SHISA9: variants seen among roughly 807,000 people sequenced by gnomAD.
SHISA9 encodes protein shisa-9.
SHISA9 carries 13 observed loss-of-function variants against 38.0 expected under a neutral mutation model. The ratio of observed to expected loss-of-function variants is 0.34; its 90% CI spans 0.22 to 0.54. The LOEUF is 0.54. Among genes scored for constraint, SHISA9 ranks in the 20% least tolerant of loss-of-function variants. The pLI is 0.91. For synonymous variants in SHISA9, 275 were observed against 242.0 expected (o/e 1.14, Z -1.27); for missense variants, 538 against 575.8 (o/e 0.93, Z 0.67).
chr16:13,533,197 C>T, the SHISA9 span, among the ~76,000 whole-genome samples: 3 of 152,176 alleles, frequency 2.0e-5, no homozygotes, highest in Non-Finnish European at 4.4e-5. Context: ...ACTTTCTTCC[C>T]CACACAGTTT....
chr16:13,013,733 C>CTT, intron 2 of SHISA9, among the ~76,000 whole-genome samples: 1 of 147,390 alleles, frequency 6.8e-6, no homozygotes, highest in African/African-American at 2.5e-5. Flanking sequence ...AAAATAATAC[C>CTT]TTTTTTTTTT....
At position 13,124,857 on chromosome 16, in the gene SHISA9, A is replaced by G. The variant is rs143054586; in HGVS notation, c.692-78537A>G. The stretch of plus-strand genomic sequence containing the variant: ...CATTTTTGACAACAGTGTCAAGAAT[A>G]TATACTGGGAAAAAGGCAGTCTCTT... On this transcript the variant is annotated intron_variant, in intron 2 of 4. Coordinates refer to ENST00000558583, the MANE Select transcript of SHISA9 (RefSeq NM_001145204.3). Among the ~76,000 whole-genome samples, 51 of 152,350 alleles carry G rather than the reference A, an allele frequency of 3.3e-4. 1 individual carries two copies. Among genetic ancestry groups the G allele is most frequent in the African/African-American group, 1.2e-3 (49 of 41,586 alleles).
At chr16:13,331,401 TG>T in the SHISA9 span, 10 of 146,014 alleles carry the variant, frequency 6.8e-5, no homozygotes, top group Non-Finnish European at 1.5e-4. Context: ...TTAATTTTTC[TG>T]TAAAAAAAAA....
At chr16:13,476,738 G>GTGT in the SHISA9 span, among the ~76,000 whole-genome samples, 2 of 65,182 alleles carry the variant, frequency 3.1e-5, no homozygotes, top group African/African-American at 1.1e-4. Context: ...CCTGTTTTGT[G>GTGT]TTTTTTTTTT....
the SHISA9 span, among the ~76,000 whole-genome samples, chr16:13,367,652 G>GA: frequency 1.6e-4 from 1 of 6,216 alleles, no homozygotes; most frequent in South Asian, 8.8e-3. Flanking sequence ...CAAGTAGGAT[G>GA]CGGGGGGGAA....
intron 2 of SHISA9, among the ~76,000 whole-genome samples, chr16:13,081,356 T>C (rs999679945): frequency 6.6e-6 from 1 of 152,174 alleles, no homozygotes; most frequent in African/African-American, 2.4e-5. Context: ...AAGACAACTT[T>C]ATAGCACTCT....
intron 2 of SHISA9, among the ~76,000 whole-genome samples, chr16:13,141,494 G>A (rs1201704308): frequency 3.3e-5 from 5 of 151,958 alleles, no homozygotes; most frequent in Non-Finnish European, 7.4e-5. Flanking sequence ...AGACCATCCT[G>A]GCTAACATGG....
At chr16:13,436,760 C>A in the SHISA9 span, among the ~76,000 whole-genome samples, 1 of 147,296 alleles carries the variant, frequency 6.8e-6, no homozygotes, top group Non-Finnish European at 1.5e-5. Context: ...GACACACAGT[C>A]AGAGATGTTA....
In SHISA9 at chr16:12,902,512, A is replaced by G. The variant is rs570314545; in HGVS notation, c.448A>G (p.Thr150Ala). Residue 150 changes from threonine (T) to alanine (A), a missense_variant, in exon 1 of 5, where the codon ACC becomes GCC. Thr to Ala is a moderately conservative substitution (Grantham distance 58). Transcript: ENST00000558583. ...DPLHDPTKDK[T>A]NLIVYIICGV... ...CTTGCACGACCCCACCAAGGACAAG[A>G]CCAACCTGATCGTCTACATCATCTG... The G allele has an allele frequency of 6.4e-7, 1 of 1,551,462 alleles. No homozygotes were observed. Among genetic ancestry groups the G allele is most frequent in the African/African-American group, 1.4e-5 (1 of 73,142 alleles).
At chr16:13,168,490 C>G (rs960379594) in intron 2 of SHISA9, among the ~76,000 whole-genome samples, 2 of 152,214 alleles carry the variant, frequency 1.3e-5, no homozygotes, top group African/African-American at 2.4e-5. Flanking sequence ...TGGTCCATGT[C>G]TACCAGCAAG....
chr16:13,390,598 C>T, the SHISA9 span, among the ~76,000 whole-genome samples: 1 of 152,162 alleles, frequency 6.6e-6, no homozygotes, highest in African/African-American at 2.4e-5. Context: ...AGATTTCAAG[C>T]TTAGGCTTGA....
At chr16:13,253,565 G>C in the SHISA9 span, among the ~76,000 whole-genome samples, 1 of 152,196 alleles carries the variant, frequency 6.6e-6, no homozygotes, top group African/African-American at 2.4e-5. Flanking sequence ...GCAGGCAAGA[G>C]AGCTTGTGCA....
the SHISA9 span, among the ~76,000 whole-genome samples, chr16:13,537,876 C>T: frequency 3.9e-5 from 6 of 152,034 alleles, no homozygotes; most frequent in Admixed American, 2.6e-4. Context: ...AGAGGAAAAA[C>T]GCTAGAAGAA....
chr16:13,077,140 C>G (rs1022865348), intron 2 of SHISA9, among the ~76,000 whole-genome samples: 1 of 152,144 alleles, frequency 6.6e-6, no homozygotes, highest in Non-Finnish European at 1.5e-5. Flanking sequence ...CATTATTCCG[C>G]CTTTCACCCT....
chr16:12,928,806 A>C (rs962111927), intron 2 of SHISA9, among the ~76,000 whole-genome samples: 3 of 152,226 alleles, frequency 2.0e-5, no homozygotes, highest in African/African-American at 7.2e-5. Context: ...ATTATTTTTA[A>C]AAATTTAGTG....
Position 12,966,530 on chromosome 16 carries a change from C to G in SHISA9, c.691+49715C>G, listed in dbSNP as rs144891427. On this transcript the variant is annotated intron_variant, in intron 2 of 4. Coordinates refer to ENST00000558583, the MANE Select transcript of SHISA9 (RefSeq NM_001145204.3). The stretch of plus-strand genomic sequence containing the variant: ...TCAGCCTCCCAAAGTGTTGTGATTA[C>G]AGGTGTGAGCCACTGTGCCCAGCAG... Among the ~76,000 whole-genome samples, 415 of 152,292 alleles carry G rather than the reference C, an allele frequency of 2.7e-3. 10 individuals carry two copies. The highest frequency in any genetic ancestry group is 5.8e-4 in the East Asian group (3 of 5,180).
At chr16:13,356,506 G>T in the SHISA9 span, among the ~76,000 whole-genome samples, 48 of 152,250 alleles carry the variant, frequency 3.2e-4, no homozygotes, top group African/African-American at 1.2e-3. Flanking sequence ...GGCTAGTCAC[G>T]GAACGAAACG....
At chr16:12,991,716 T>C (rs1415528353) in intron 2 of SHISA9, among the ~76,000 whole-genome samples, 1 of 152,196 alleles carries the variant, frequency 6.6e-6, no homozygotes. Context: ...GAATTTAGAA[T>C]GGCACAATTT....
chr16:13,510,284 G>A, the SHISA9 span, among the ~76,000 whole-genome samples: 1 of 152,140 alleles, frequency 6.6e-6, no homozygotes, highest in Non-Finnish European at 1.5e-5. Flanking sequence ...CACCAGCCTG[G>A]GCGATAAGAG....
Sources: gnomAD v4.1 joint callset for allele counts (sites outside exome capture counted in the v4.1 genomes callset) on GRCh38, gnomAD v4.1.1 for gene constraint, MANE v1.5 for transcripts, NCBI Gene and HGNC (gene_info 2026-07-23, HGNC 2026-07-21) for gene names.